FARS2: variants seen among roughly 807,000 people sequenced by gnomAD.
The protein encoded by FARS2 is phenylalanine--tRNA ligase, mitochondrial.
FARS2 carries 40 observed loss-of-function variants against 46.4 expected under a neutral mutation model. The observed-to-expected ratio is 0.86, with a 90% CI of 0.67 to 1.12. FARS2 has a LOEUF of 1.12. Ranked by LOEUF, FARS2 falls within the 50% of genes most tolerant of loss-of-function variation. FARS2 has a pLI of 0.00. For missense variants in FARS2, 513 were observed against 567.9 expected (o/e 0.90, Z 0.98); for synonymous variants, 234 against 214.9 (o/e 1.09, Z -0.78).
intron 1 of FARS2, among the ~76,000 whole-genome samples, chr6:5,362,923 C>CTT (rs775686545): frequency 1.7e-5 from 2 of 114,324 alleles, no homozygotes; most frequent in Non-Finnish European, 3.7e-5. Flanking sequence ...ATTTTTCTTT[C>CTT]TTTCTTTTTT....
upstream of FARS2, among the ~76,000 whole-genome samples, chr6:5,257,168 A>T (rs1489808216): frequency 6.6e-6 from 1 of 152,090 alleles, no homozygotes; most frequent in Non-Finnish European, 1.5e-5. Context: ...CCTGTGAGCT[A>T]AGGGTAAAGT....
At chr6:5,484,601 C>G (rs1284897739) in intron 4 of FARS2, among the ~76,000 whole-genome samples, 1 of 152,214 alleles carries the variant, frequency 6.6e-6, no homozygotes, top group Non-Finnish European at 1.5e-5. Flanking sequence ...GGAAAAGATA[C>G]AAAATACTGA....
intron 6 of FARS2, among the ~76,000 whole-genome samples, chr6:5,680,842 A>G (rs998226699): frequency 7.1e-6 from 1 of 141,030 alleles, no homozygotes; most frequent in African/African-American, 2.6e-5. Flanking sequence ...CTCAATAAAA[A>G]CAGTTCACTA....
chr6:5,731,597 T>A (rs974443611), intron 6 of FARS2, among the ~76,000 whole-genome samples: 1 of 152,206 alleles, frequency 6.6e-6, no homozygotes, highest in Non-Finnish European at 1.5e-5. Flanking sequence ...ATCTCCTGTG[T>A]ACTCCTCTAT....
At chr6:5,299,765 A>G (rs1245271285) in intron 1 of FARS2, among the ~76,000 whole-genome samples, 1 of 139,818 alleles carries the variant, frequency 7.2e-6, no homozygotes, top group Non-Finnish European at 1.5e-5. Context: ...TTTCCCACCT[A>G]TGAGTGAGAA....
At chr6:5,435,892 A>C (rs1763492440) in intron 4 of FARS2, among the ~76,000 whole-genome samples, 1 of 152,230 alleles carries the variant, frequency 6.6e-6, no homozygotes, top group South Asian at 2.1e-4. Flanking sequence ...AAATTTAAAA[A>C]TCGGCTCTTT....
intron 3 of FARS2, among the ~76,000 whole-genome samples, chr6:5,425,387 T>C (rs1762790878): frequency 6.6e-6 from 1 of 152,046 alleles, no homozygotes; most frequent in Non-Finnish European, 1.5e-5. Flanking sequence ...AAATGGAACG[T>C]GATGTTTATT....
chr6:5,573,720 G>T (rs1156749189), intron 5 of FARS2, among the ~76,000 whole-genome samples: 2 of 152,092 alleles, frequency 1.3e-5, no homozygotes, highest in African/African-American at 2.4e-5. Context: ...CTTTATGTTG[G>T]GCTTAATTAG....
At chr6:5,270,799 C>T (rs2127824728) in intron 1 of FARS2, among the ~76,000 whole-genome samples, 1 of 152,254 alleles carries the variant, frequency 6.6e-6, no homozygotes, top group Admixed American at 6.5e-5. Context: ...TTATTTTTCG[C>T]TTGCTGCTTT....
At chr6:5,338,417 G>A (rs756834616) in intron 1 of FARS2, among the ~76,000 whole-genome samples, 2 of 152,092 alleles carry the variant, frequency 1.3e-5, no homozygotes, top group Non-Finnish European at 2.9e-5. Flanking sequence ...CAGGTGTGTC[G>A]TCTTTCTTTT....
chr6:5,714,970 A>T (rs1759404998), intron 6 of FARS2, among the ~76,000 whole-genome samples: 1 of 152,208 alleles, frequency 6.6e-6, no homozygotes, highest in South Asian at 2.1e-4. Flanking sequence ...GGTTGCAGTG[A>T]GTGGAGATCG....
chr6:5,609,205 C>T (rs1775024572), intron 5 of FARS2: 1 of 1,189,822 alleles, frequency 8.4e-7, no homozygotes. Flanking sequence ...GCTCTCCTCT[C>T]CGGCTAAGCT....
At chr6:5,432,454 ATT>A (rs1763270504) in intron 4 of FARS2, among the ~76,000 whole-genome samples, 1 of 127,988 alleles carries the variant, frequency 7.8e-6, no homozygotes, top group Non-Finnish European at 1.6e-5. Context: ...TAAAATATAT[ATT>A]ATATATTATA....
intron 1 of FARS2, among the ~76,000 whole-genome samples, chr6:5,314,391 C>A (rs1330827031): frequency 6.6e-6 from 1 of 151,880 alleles, no homozygotes; most frequent in Non-Finnish European, 1.5e-5. Flanking sequence ...TGGGTGGGAG[C>A]AGGGAGAAAG....
At position 5,765,894 on chromosome 6, in the gene FARS2, A is replaced by G. The variant is rs554279851; in HGVS notation, c.1218-5397A>G. On this transcript the variant is annotated intron_variant, in intron 6 of 6. Transcript: ENST00000274680. The surrounding 1 kb of genome is among the most constrained non-coding windows in gnomAD (Gnocchi z 4.0). The stretch of plus-strand genomic sequence containing the variant: ...GTTTGTTGAATAACTAAAGGAATCT[A>G]TGAATAAACTGGTGACAATGGAAGC... Among the ~76,000 whole-genome samples, 59 of 152,320 alleles carry G rather than the reference A, an allele frequency of 3.9e-4. No homozygotes were observed. The highest frequency in any genetic ancestry group is 1.3e-3 in the African/African-American group (53 of 41,574).
intron 3 of FARS2, among the ~76,000 whole-genome samples, chr6:5,404,947 C>T (rs966153228): frequency 4.0e-5 from 6 of 151,864 alleles, no homozygotes; most frequent in Non-Finnish European, 8.8e-5. Flanking sequence ...TATAGGCGCC[C>T]ATCACCACAC....
the FARS2 span, among the ~76,000 whole-genome samples, chr6:5,253,296 A>G: frequency 1.8e-4 from 28 of 152,346 alleles, 1 homozygote; most frequent in East Asian, 5.2e-3. Flanking sequence ...TTGCATTTCA[A>G]CAATGAATAT....
chr6:5,641,440 G>C (rs1776813653), intron 6 of FARS2, among the ~76,000 whole-genome samples: 1 of 152,286 alleles, frequency 6.6e-6, no homozygotes, highest in East Asian at 1.9e-4. Context: ...GGGATTACAG[G>C]TGCCCACCAC....
chr6:5,520,908 G>T (rs1281722502), intron 4 of FARS2, among the ~76,000 whole-genome samples: 2 of 152,216 alleles, frequency 1.3e-5, no homozygotes, highest in Non-Finnish European at 2.9e-5. Context: ...GATTTCAATT[G>T]GTTGCTGAAA....
Sources: gnomAD v4.1 joint callset for allele counts (sites outside exome capture counted in the v4.1 genomes callset) on GRCh38, gnomAD v4.1.1 for gene constraint, Gnocchi (gnomAD v3.1) non-coding constraint, MANE v1.5 for transcripts, NCBI Gene and HGNC (gene_info 2026-07-23, HGNC 2026-07-21) for gene names.